Variants in ANTXR2 observed in about 807,000 individuals in gnomAD.
ANTXR2 encodes ANTXR cell adhesion molecule 2, also known as anthrax toxin receptor 2.
A neutral mutation model predicts 73.7 loss-of-function variants in ANTXR2; 44 were observed. The ratio of observed to expected loss-of-function variants is 0.60; its 90% CI spans 0.47 to 0.77. The LOEUF (loss-of-function observed/expected upper bound fraction) is 0.77, where lower values mean the gene tolerates loss of function less well. ANTXR2 is among the 30% of genes least tolerant of loss of function. The pLI is 0.00. For synonymous variants in ANTXR2, 217 were observed against 205.9 expected, an observed-to-expected ratio of 1.05 and a Z score of -0.46; for missense variants, 604 against 592.5, an observed-to-expected ratio of 1.02 and a Z score of -0.20.
intron 16 of ANTXR2, among the ~76,000 whole-genome samples, chr4:79,974,504 G>A (rs1012331264): frequency 6.6e-6 from 1 of 151,846 alleles, no homozygotes; most frequent in Non-Finnish European, 1.5e-5. Flanking sequence ...TATCTCTGAG[G>A]TTCAAAATCT....
rs745816668 is a variant in ANTXR2 at position 79,902,003 on chromosome 4, C to T, written c.*5426G>A. The T allele has an allele frequency of 6.6e-6, 1 of 152,116 alleles. No individual in the cohort carries two copies. Among genetic ancestry groups the T allele is most frequent in the Non-Finnish European group, 1.5e-5 (1 of 68,012 alleles). The allele number at this position is 152,116 out of a possible 1,614,324, so 9.4% of individuals were successfully genotyped here. On this transcript the variant is annotated 3_prime_UTR_variant, in exon 17 of 17. Transcript: ENST00000403729. The stretch of plus-strand genomic sequence containing the variant: ...GTTTCTAACAGGCCATGGACCAGTA[C>T]CAGTCCATGACCTGGGGGATGGGAT...
chr4:79,917,948 G>T (rs1428057309), intron 16 of ANTXR2, among the ~76,000 whole-genome samples: 1 of 150,460 alleles, frequency 6.6e-6, no homozygotes, highest in Non-Finnish European at 1.5e-5. Flanking sequence ...AATAATAAAA[G>T]ATCTGGCAAA....
chr4:80,003,259 T>C (rs1009385801), intron 12 of ANTXR2, among the ~76,000 whole-genome samples: 6 of 151,620 alleles, frequency 4.0e-5, no homozygotes, highest in African/African-American at 1.5e-4. Context: ...ATGTCCTTTG[T>C]AGGGACATGG....
At position 80,008,680 on chromosome 4, in the gene ANTXR2, T is replaced by C. The variant is rs1167743826; in HGVS notation, c.946-64A>G. The stretch of plus-strand genomic sequence containing the variant: ...AGCTTATGGTCAAATTCCAAATGTA[T>C]ATATATTTTAAGGAAACACCAGAAA... On this transcript the variant is annotated intron_variant, in intron 11 of 16. Coordinates refer to ENST00000403729, the MANE Select transcript of ANTXR2 (RefSeq NM_058172.6). 7 of 1,029,758 alleles carry C rather than the reference T, an allele frequency of 6.8e-6. No homozygotes were observed. The East Asian group carries it at 1.2e-4, about 17-fold the overall frequency. 63.8% of individuals were successfully genotyped at this position (1,029,758 alleles called of 1,614,324 possible). A position where few individuals can be genotyped will look rare whatever the true frequency, so the allele number is the denominator to read the frequency against.
At chr4:80,065,171 A>C (rs997020364) in intron 3 of ANTXR2, among the ~76,000 whole-genome samples, 7 of 152,260 alleles carry the variant, frequency 4.6e-5, no homozygotes, top group African/African-American at 1.7e-4. Context: ...TCTCTGTTAC[A>C]GTATTAGCAT....
chr4:80,072,767 G>C lies in ANTXR2; in HGVS notation c.-207C>G. The C allele has an allele frequency of 1.6e-6, 2 of 1,239,150 alleles. No individual in the cohort carries two copies. The highest frequency in any genetic ancestry group is 2.0e-6 in the Non-Finnish European group (2 of 978,558). 76.8% of individuals were successfully genotyped at this position (1,239,150 alleles called of 1,614,324 possible). ...GAGGACAAAGGGAGTCTCCGCCACC[G>C]CCGCAGCTGCCGCCGGAACTCTTGA... is the stretch of plus-strand genomic sequence containing the variant. On this transcript the variant is annotated 5_prime_UTR_variant, in exon 1 of 17. Coordinates refer to ENST00000403729, the MANE Select transcript of ANTXR2 (RefSeq NM_058172.6).
intron 12 of ANTXR2, among the ~76,000 whole-genome samples, chr4:79,999,762 T>C (rs1432875964): frequency 6.6e-6 from 1 of 152,056 alleles, no homozygotes; most frequent in Non-Finnish European, 1.5e-5. Flanking sequence ...CAAAGATATC[T>C]GAATAGTAGT....
chr4:80,005,586 G>C (rs954213842), intron 12 of ANTXR2, among the ~76,000 whole-genome samples: 2 of 152,002 alleles, frequency 1.3e-5, no homozygotes, highest in Admixed American at 1.3e-4. Flanking sequence ...TTTCCACAAG[G>C]TTATTGTCAC....
At chr4:80,072,188 G>A (rs1476569866) in intron 1 of ANTXR2, among the ~76,000 whole-genome samples, 1 of 152,142 alleles carries the variant, frequency 6.6e-6, no homozygotes, top group African/African-American at 2.4e-5. Context: ...ACTCCCCAAA[G>A]AGCCAAGTAG....
rs73829335 is a variant in ANTXR2, at chr4:79,997,605, C to T, written c.1041+10916G>A. On this transcript the variant is annotated intron_variant, in intron 12 of 16. Transcript: ENST00000403729. The stretch of plus-strand genomic sequence containing the variant: ...CAACATCTAGCCTTCAACATCCTGA[C>T]CAAAATATGATTCAAGTTATCTCAT... Among the ~76,000 whole-genome samples the T allele has an allele frequency of 1.0e-3, 159 of 152,048 alleles. 1 individual carries two copies. Among genetic ancestry groups the T allele is most frequent in the African/African-American group, 3.7e-3 (154 of 41,522 alleles).
intron 16 of ANTXR2, among the ~76,000 whole-genome samples, chr4:79,922,301 A>G (rs1439136166): frequency 6.6e-6 from 1 of 152,134 alleles, no homozygotes; most frequent in Non-Finnish European, 1.5e-5. Context: ...TCACTGATCA[A>G]TGAATATACA....
At chr4:80,055,766 T>C (rs546737690) in intron 4 of ANTXR2, among the ~76,000 whole-genome samples, 166 bp downstream of exon 4, 2 of 152,038 alleles carry the variant, frequency 1.3e-5, no homozygotes, top group African/African-American at 4.8e-5. Flanking sequence ...CTCATCACCA[T>C]AGTAAATAAT....
At chr4:80,051,636 A>G (rs1333685957) in intron 7 of ANTXR2, among the ~76,000 whole-genome samples, 5 of 151,706 alleles carry the variant, frequency 3.3e-5, no homozygotes, top group African/African-American at 1.2e-4. Flanking sequence ...TTTCCCCAAA[A>G]TTAAAATAGA....
At chr4:80,011,535 G>A (rs1007714204) in intron 11 of ANTXR2, among the ~76,000 whole-genome samples, 1 of 152,060 alleles carries the variant, frequency 6.6e-6, no homozygotes, top group African/African-American at 2.4e-5. Context: ...ATATTTATTA[G>A]AACTTTTTCA....
intron 10 of ANTXR2, among the ~76,000 whole-genome samples, chr4:80,029,639 A>T (rs1732598551): frequency 6.6e-6 from 1 of 151,994 alleles, no homozygotes; most frequent in African/African-American, 2.4e-5. Context: ...TTGGAGAAAA[A>T]ATAAAACATG....
chr4:80,032,154 G>A (rs954881493), intron 9 of ANTXR2, among the ~76,000 whole-genome samples: 1 of 151,372 alleles, frequency 6.6e-6, no homozygotes, highest in African/African-American at 2.4e-5. Flanking sequence ...TACTTAAATC[G>A]CCCTTGTAAC....
At chr4:80,030,126 A>C (rs1388518818) in intron 10 of ANTXR2, among the ~76,000 whole-genome samples, 1 of 152,070 alleles carries the variant, frequency 6.6e-6, no homozygotes, top group Non-Finnish European at 1.5e-5. Flanking sequence ...TGGTAGCAGT[A>C]TAGGTAGAAA....
chr4:80,024,903 T>G (rs774224127), intron 10 of ANTXR2: 38 of 262,686 alleles, frequency 1.4e-4, no homozygotes, highest in Non-Finnish European at 2.5e-4. Flanking sequence ...AGTGGCACCT[T>G]GTGCAGATAA....
chr4:80,021,894 G>A (rs2110072209), intron 10 of ANTXR2, among the ~76,000 whole-genome samples: 1 of 152,272 alleles, frequency 6.6e-6, no homozygotes, highest in Admixed American at 6.5e-5. Context: ...TGATCAAAAT[G>A]TAACCATAAA....
Sources: allele counts gnomAD v4.1 joint callset (sites outside exome capture counted in the v4.1 genomes callset), GRCh38; gene constraint gnomAD v4.1.1; transcripts MANE v1.5; gene names NCBI Gene and HGNC (gene_info 2026-07-23, HGNC 2026-07-21).